ALG12: variants seen among roughly 807,000 people sequenced by gnomAD.
ALG12 encodes the protein dol-P-Man:Man(7)GlcNAc(2)-PP-Dol alpha-1,6-mannosyltransferase.
Under a neutral mutation model 46.0 loss-of-function variants are expected in ALG12, and 36 were observed. The ratio of observed to expected loss-of-function variants is 0.78; its 90% CI spans 0.60 to 1.03. The LOEUF (loss-of-function observed/expected upper bound fraction) is 1.03, where lower values mean the gene tolerates loss of function less well. Among genes scored for constraint, ALG12 ranks in the 50% least tolerant of loss-of-function variants. ALG12 has a pLI of 0.00. For synonymous variants in ALG12, 326 were observed against 291.6 expected, an observed-to-expected ratio of 1.12 and a Z score of -1.20; for missense variants, 599 against 633.5, an observed-to-expected ratio of 0.95 and a Z score of 0.58.
chr22:49,907,674 G>A, intron 7 of ALG12, 47 bp downstream of exon 7: 1 of 1,580,316 alleles, frequency 6.3e-7, no homozygotes, highest in South Asian at 1.1e-5. Context: ...CAGTGAACCT[G>A]TTTCCAATGA....
rs1750709171 is a variant in ALG12, at chr22:49,902,554, T to C, written c.*1284A>G. The C allele has an allele frequency of 7.6e-6, 1 of 132,162 alleles. No individual in the cohort carries two copies. The highest frequency in any genetic ancestry group is 3.3e-5 in the African/African-American group (1 of 30,078). 8.2% of individuals were successfully genotyped at this position (132,162 alleles called of 1,614,324 possible). A position where few individuals can be genotyped will look rare whatever the true frequency, so the allele number is the denominator to read the frequency against. On this transcript the variant is annotated 3_prime_UTR_variant, in exon 10 of 10. Transcript: ENST00000330817. The stretch of plus-strand genomic sequence containing the variant: ...AATGTGCACGCGTGCACTGTGTGTA[T>C]GCATGGTAATGTGCACGTGTGCACT...
At chr22:49,887,197 T>C in the ALG12 span, 5 of 1,591,320 alleles carry the variant, frequency 3.1e-6, no homozygotes, top group Non-Finnish European at 4.3e-6. Flanking sequence ...ACGGCACCAC[T>C]AGGCCAGAGG....
At chr22:49,885,378 A>G in the ALG12 span, 157 of 1,595,488 alleles carry the variant, frequency 9.8e-5, no homozygotes, top group Admixed American at 2.5e-3. Context: ...TTTGCTCCGC[A>G]GACTCCACAA....
the ALG12 span, chr22:49,885,765 C>T: frequency 2.5e-6 from 4 of 1,605,386 alleles, no homozygotes; most frequent in Non-Finnish European, 8.5e-7. Context: ...CCTACTTCTC[C>T]AGGACAGCTA....
chr22:49,877,257 TATTA>T, the ALG12 span, among the ~76,000 whole-genome samples: 2 of 136,478 alleles, frequency 1.5e-5, no homozygotes, highest in African/African-American at 2.8e-5. Context: ...AAAACAGCTT[TATTA>T]TTTATTTATT....
the ALG12 span, chr22:49,884,194 G>A: frequency 1.2e-6 from 2 of 1,608,420 alleles, no homozygotes; most frequent in Non-Finnish European, 1.7e-6. Flanking sequence ...CAGTGTGTCT[G>A]CCGTGTCCTC....
chr22:49,884,909 C>G, the ALG12 span: 1 of 1,602,358 alleles, frequency 6.2e-7, no homozygotes, highest in Non-Finnish European at 8.5e-7. Flanking sequence ...GCCTTCTCAT[C>G]TTCCGATGAC....
rs2147583347 is a variant in ALG12, at chr22:49,906,505, G to A, written c.992+1216C>T. Among the ~76,000 whole-genome samples the A allele has an allele frequency of 6.6e-6, 1 of 152,272 alleles. No individual in the cohort carries two copies. The highest frequency in any genetic ancestry group is 1.9e-4 in the East Asian group (1 of 5,166). Reference sequence around the variant, plus strand: ...CGAGGAACAGTCACGGCAGCCAGAGGAGCTCCCAGGCCCGAGGGCAGTGCG... The same window carrying A: ...CGAGGAACAGTCACGGCAGCCAGAGAAGCTCCCAGGCCCGAGGGCAGTGCG... On this transcript the variant is annotated intron_variant, in intron 7 of 9. Transcript: ENST00000330817. The surrounding 1 kb of genome is among the most constrained non-coding windows in gnomAD (Gnocchi z 4.4).
At chr22:49,866,673 C>T in the ALG12 span, among the ~76,000 whole-genome samples, 1 of 152,170 alleles carries the variant, frequency 6.6e-6, no homozygotes, top group Non-Finnish European at 1.5e-5. Flanking sequence ...ATTTCGTTAT[C>T]TGCAGTGATG....
the ALG12 span, among the ~76,000 whole-genome samples, chr22:49,890,641 G>A: frequency 3.9e-5 from 6 of 152,270 alleles, no homozygotes; most frequent in South Asian, 4.1e-4. Context: ...CATTGTCATC[G>A]TGGAGAAAGA....
chr22:49,884,319 C>A, the ALG12 span: 1 of 1,613,814 alleles, frequency 6.2e-7, no homozygotes, highest in South Asian at 1.1e-5. Context: ...TCCCGTCCCC[C>A]GATCGAATAA....
chr22:49,869,350 G>A, the ALG12 span, among the ~76,000 whole-genome samples: 6 of 152,182 alleles, frequency 3.9e-5, no homozygotes, highest in East Asian at 1.9e-4. Flanking sequence ...TCGTACCCGC[G>A]TGGTGGTTAT....
In ALG12 at chr22:49,903,929, C is replaced by G; in HGVS notation, c.1376G>C (p.Gly459Ala). The G allele has an allele frequency of 6.2e-7, 1 of 1,614,258 alleles. No homozygotes were observed. The highest frequency in any genetic ancestry group is 8.5e-7 in the Non-Finnish European group (1 of 1,180,034). Residue 459 changes from glycine to alanine, a missense_variant, in exon 10 of 10, where the codon GGT becomes GCT. Coordinates refer to ENST00000330817, the MANE Select transcript of ALG12 (RefSeq NM_024105.4). ...RVLASVVGTT[G>A]VSLNLTQLPP... is the part of the protein sequence containing the mutation. ...CAGTTGGGTCAGGTTCAGACTCACA[C>G]CTGTGGTCCCCACGACGCTGGCCAG... is the stretch of plus-strand genomic sequence containing the variant.
intron 3 of ALG12, among the ~76,000 whole-genome samples, chr22:49,910,988 C>CA (rs1488968616): frequency 4.6e-5 from 7 of 152,186 alleles, no homozygotes; most frequent in Admixed American, 3.9e-4. Context: ...AACCAGCAGC[C>CA]ATGAGGAGGT....
the ALG12 span, among the ~76,000 whole-genome samples, chr22:49,866,883 G>T: frequency 1.2e-3 from 176 of 152,324 alleles, no homozygotes; most frequent in African/African-American, 4.2e-3. Flanking sequence ...CTCTTGAACG[G>T]TGGCTCTCGG....
At chr22:49,883,664 T>C in the ALG12 span, 1 of 1,572,812 alleles carries the variant, frequency 6.4e-7, no homozygotes. Context: ...TGGTCAGTCA[T>C]GGAGAATAAC....
At position 49,904,426 on chromosome 22, in the gene ALG12, T is replaced by C. The variant is rs756274673; in HGVS notation, c.1073A>G (p.Tyr358Cys). 34 of 1,613,986 alleles carry C rather than the reference T, an allele frequency of 2.1e-5. No homozygotes were observed. The highest frequency in any genetic ancestry group is 2.5e-6 in the Non-Finnish European group (3 of 1,180,036). ...VIGHLVVNAA[Y>C]SATALYVSHF... is the part of the protein sequence containing the mutation. ...GGACACATACAGGGCCGTGGCTGAGTAGGCGGCATTCACCACGAGGTGTCC... is the reference window on the plus strand; with the variant it reads ...GGACACATACAGGGCCGTGGCTGAGCAGGCGGCATTCACCACGAGGTGTCC... Residue 358 changes from tyrosine (Y) to cysteine (C), a missense_variant, in exon 8 of 10, where the codon TAC becomes TGC. Tyr to Cys is a radical substitution (Grantham distance 194). Coordinates refer to ENST00000330817, the MANE Select transcript of ALG12 (RefSeq NM_024105.4).
At chr22:49,918,193 C>T (rs2060630901) in intron 1 of ALG12, 70 bp downstream of exon 1, 2 of 152,410 alleles carry the variant, frequency 1.3e-5, no homozygotes, top group Admixed American at 1.3e-4. Context: ...GGGTCGCGCC[C>T]TCGCCCGCCT....
At chr22:49,917,326 G>A (rs1222128486) in intron 1 of ALG12, among the ~76,000 whole-genome samples, 1 of 152,246 alleles carries the variant, frequency 6.6e-6, no homozygotes, top group East Asian at 1.9e-4. Flanking sequence ...GGAATGACCT[G>A]CAAAGACCCT....
Sources: gnomAD v4.1 joint callset for allele counts (sites outside exome capture counted in the v4.1 genomes callset) on GRCh38, gnomAD v4.1.1 for gene constraint, Gnocchi (gnomAD v3.1) non-coding constraint, MANE v1.5 for transcripts, NCBI Gene and HGNC (gene_info 2026-07-23, HGNC 2026-07-21) for gene names.